Variants in CNTNAP5 observed in about 807,000 individuals in gnomAD.
CNTNAP5 encodes the protein contactin associated protein family member 5, also known as contactin-associated protein-like 5.
Under a neutral mutation model 150.2 loss-of-function variants are expected in CNTNAP5, and 72 were observed. That is an observed-to-expected ratio of 0.48 (90% CI 0.40 to 0.58). The LOEUF (loss-of-function observed/expected upper bound fraction) is 0.58. CNTNAP5 is among the 20% of genes least tolerant of loss of function. The probability of loss-of-function intolerance (pLI) is 0.00; values close to 1 mark genes in which losing one functional copy is unlikely to be tolerated. For missense variants in CNTNAP5, 1,636 were observed against 1,626.2 expected (o/e 1.01, Z -0.10); for synonymous variants, 672 against 619.8 (o/e 1.08, Z -1.25).
intron 19 of CNTNAP5, among the ~76,000 whole-genome samples, chr2:124,802,114 G>T (rs956256824): frequency 6.6e-6 from 1 of 152,130 alleles, no homozygotes; most frequent in Non-Finnish European, 1.5e-5. Flanking sequence ...TCAAGTATCC[G>T]CCTCCAGGTT....
intron 3 of CNTNAP5, among the ~76,000 whole-genome samples, chr2:124,355,439 A>G (rs1469607905): frequency 6.6e-6 from 1 of 152,114 alleles, no homozygotes; most frequent in East Asian, 1.9e-4. Flanking sequence ...TGTGGAATGG[A>G]GCAGAGCTGG....
At chr2:124,800,898 A>G (rs1254213048) in intron 19 of CNTNAP5, among the ~76,000 whole-genome samples, 1 of 152,178 alleles carries the variant, frequency 6.6e-6, no homozygotes, top group Non-Finnish European at 1.5e-5. Flanking sequence ...GGAGGTCCTG[A>G]GAACATGCGC....
chr2:124,449,018 G>C (rs558397576), intron 6 of CNTNAP5, among the ~76,000 whole-genome samples: 120 of 152,334 alleles, frequency 7.9e-4, no homozygotes, highest in African/African-American at 2.7e-3. Flanking sequence ...TAGTGGGATA[G>C]ATAATAGAAC....
In CNTNAP5 at chr2:124,221,759, C is replaced by T; in HGVS notation, c.137C>T (p.Ser46Phe). ...SLLSPMAFSS[S>F]SDLTGTHSPA... is the part of the protein sequence containing the mutation. The stretch of plus-strand genomic sequence containing the variant: ...CTCTCTCCAATGGCTTTTTCCAGTT[C>T]CTCAGACCTCACTGGCACTCACAGC... The change falls in exon 2 of 24, where the codon TCC becomes TTC. Residue 46 changes from serine to phenylalanine, a missense_variant. Ser to Phe is a radical substitution (Grantham distance 155). Coordinates refer to ENST00000682447, the MANE Select transcript of CNTNAP5 (RefSeq NM_001367498.1). 6.2e-7 allele frequency: 1 copy of T among 1,611,616 alleles called. No homozygotes were observed.
At chr2:124,031,946 G>T (rs992205479) in intron 1 of CNTNAP5, among the ~76,000 whole-genome samples, 2 of 152,104 alleles carry the variant, frequency 1.3e-5, no homozygotes, top group African/African-American at 4.8e-5. Context: ...AGATTTAAAT[G>T]TTAATAGTTT....
chr2:124,632,948 A>G (rs1677894974), intron 12 of CNTNAP5, among the ~76,000 whole-genome samples: 1 of 152,000 alleles, frequency 6.6e-6, no homozygotes, highest in Non-Finnish European at 1.5e-5. Flanking sequence ...AAACAATGAG[A>G]TCTCATGAGA....
chr2:124,747,482 T>C, intron 14 of CNTNAP5, 97 bp downstream of exon 14: 3 of 1,416,206 alleles, frequency 2.1e-6, no homozygotes, highest in Non-Finnish European at 3.0e-6. Flanking sequence ...AGAAATTCAA[T>C]ACAAACTGGA....
intron 14 of CNTNAP5, among the ~76,000 whole-genome samples, chr2:124,752,418 A>G (rs1680747125): frequency 6.6e-6 from 1 of 152,064 alleles, no homozygotes; most frequent in Admixed American, 6.6e-5. Context: ...CAAGTAAATG[A>G]AGATAATGAG....
In CNTNAP5 at chr2:124,627,938, C is replaced by T. The variant is rs138490815; in HGVS notation, c.1876+18018C>T. On this transcript the variant is annotated intron_variant, in intron 12 of 23. Transcript: ENST00000682447. ...TAATGCAAACACAAGTATCAATAGC[C>T]GAACTGACCAAGTGGAAGAGAAATG... Among the ~76,000 whole-genome samples the T allele has an allele frequency of 4.7e-3, 714 of 152,158 alleles. 8 individuals are homozygous for T. Among genetic ancestry groups the T allele is most frequent in the East Asian group, 0.029 (148 of 5,170 alleles).
intron 3 of CNTNAP5, among the ~76,000 whole-genome samples, chr2:124,352,977 G>C (rs984334084): frequency 6.6e-6 from 1 of 152,142 alleles, no homozygotes; most frequent in African/African-American, 2.4e-5. Context: ...AGCAGAACTA[G>C]AGAAAGATGC....
At chr2:124,469,055 C>G (rs1693445099) in intron 6 of CNTNAP5, among the ~76,000 whole-genome samples, 1 of 152,198 alleles carries the variant, frequency 6.6e-6, no homozygotes, top group Admixed American at 6.6e-5. Flanking sequence ...CTATCCATAT[C>G]CACCCAACTC....
At chr2:124,217,814 A>G (rs1056984766) in intron 1 of CNTNAP5, among the ~76,000 whole-genome samples, 3 of 152,104 alleles carry the variant, frequency 2.0e-5, no homozygotes, top group African/African-American at 2.4e-5. Context: ...AAAAGGGGAC[A>G]TTTTCCCATC....
rs183933125 is a variant in CNTNAP5 at position 124,148,885 on chromosome 2, C to T, written c.83-72820C>T. On this transcript the variant is annotated intron_variant, in intron 1 of 23. Coordinates refer to ENST00000682447, the MANE Select transcript of CNTNAP5 (RefSeq NM_001367498.1). Reference sequence around the variant, plus strand: ...AGAGGTGTATATATATACACACACACATATATGTATGTATATATACACATG... The same window carrying T: ...AGAGGTGTATATATATACACACACATATATATGTATGTATATATACACATG... Among the ~76,000 whole-genome samples the T allele has an allele frequency of 2.0e-5, 3 of 151,318 alleles. No homozygotes were observed. The South Asian group carries it at 6.2e-4, about 31-fold the overall frequency.
intron 1 of CNTNAP5, among the ~76,000 whole-genome samples, chr2:124,160,170 G>T (rs547056304): frequency 6.6e-6 from 1 of 152,200 alleles, no homozygotes; most frequent in South Asian, 2.1e-4. Context: ...TGAGTCTAAA[G>T]GTATGAGAAC....
chr2:124,490,367 GAGAA>G (rs1044385995), intron 7 of CNTNAP5, among the ~76,000 whole-genome samples: 1 of 117,366 alleles, frequency 8.5e-6, no homozygotes, highest in Non-Finnish European at 1.8e-5. Flanking sequence ...AAGAGAGAGA[GAGAA>G]AGAAAGAGAG....
At chr2:124,585,154 G>T (rs1473046775) in intron 11 of CNTNAP5, among the ~76,000 whole-genome samples, 1 of 152,196 alleles carries the variant, frequency 6.6e-6, no homozygotes, top group Non-Finnish European at 1.5e-5. Context: ...ACTGCAGGAT[G>T]GCTGGTACAT....
At chr2:124,077,042 A>G (rs1416906048) in intron 1 of CNTNAP5, among the ~76,000 whole-genome samples, 1 of 152,188 alleles carries the variant, frequency 6.6e-6, no homozygotes, top group Non-Finnish European at 1.5e-5. Context: ...TATTGTTACT[A>G]TTAAGTGGCT....
rs1253930956 is a variant in CNTNAP5, at chr2:124,038,388, A to T, written c.82+12656A>T. The stretch of plus-strand genomic sequence containing the variant: ...TATTTCAGCTATTGTCTTGACTCAG[A>T]GGACCTGCTTGCTTGGGTTTAGAGA... On this transcript the variant is annotated intron_variant, in intron 1 of 23. Coordinates refer to ENST00000682447, the MANE Select transcript of CNTNAP5 (RefSeq NM_001367498.1). Among the ~76,000 whole-genome samples, 9 of 152,230 alleles carry T rather than the reference A, an allele frequency of 5.9e-5. No homozygotes were observed. The East Asian group carries it at 1.7e-3, about 30-fold the overall frequency.
At chr2:124,702,050 C>G (rs1679532596) in intron 13 of CNTNAP5, among the ~76,000 whole-genome samples, 1 of 151,980 alleles carries the variant, frequency 6.6e-6, no homozygotes, top group African/African-American at 2.4e-5. Flanking sequence ...TATCAGATAT[C>G]TATTTTTATT....
Sources: gnomAD v4.1 joint callset for allele counts (sites outside exome capture counted in the v4.1 genomes callset) on GRCh38, gnomAD v4.1.1 for gene constraint, MANE v1.5 for transcripts, NCBI Gene and HGNC (gene_info 2026-07-23, HGNC 2026-07-21) for gene names.